Variants in MTMR9 observed in about 807,000 individuals in gnomAD.
MTMR9 encodes myotubularin related protein 9, also known as myotubularin-related protein 9.
MTMR9 carries 39 observed loss-of-function variants against 69.5 expected under a neutral mutation model. The observed-to-expected ratio is 0.56, with a 90% confidence interval of 0.43 to 0.73. MTMR9 has a LOEUF of 0.73. MTMR9 is among the 30% of genes least tolerant of loss of function. MTMR9 has a pLI of 0.00. For synonymous variants in MTMR9, 354 were observed against 240.8 expected (o/e 1.47, Z -4.35); for missense variants, 900 against 671.2 (o/e 1.34, Z -3.77).
intron 6 of MTMR9, among the ~76,000 whole-genome samples, chr8:11,313,485 G>A (rs1404347434): frequency 6.6e-6 from 1 of 152,182 alleles, no homozygotes; most frequent in Non-Finnish European, 1.5e-5. Flanking sequence ...CCAGCTTTTG[G>A]CCTGACTCAG....
At chr8:11,298,712 C>T in intron 2 of MTMR9, 1 of 890,856 alleles carries the variant, frequency 1.1e-6, no homozygotes, top group Non-Finnish European at 1.3e-6. Flanking sequence ...GTATCCTTTC[C>T]CCGCTGCACC....
intron 3 of MTMR9, among the ~76,000 whole-genome samples, chr8:11,303,802 G>C (rs1799836854): frequency 6.6e-6 from 1 of 152,182 alleles, no homozygotes; most frequent in South Asian, 2.1e-4. Context: ...CCAAAGTGCC[G>C]GGATGATAGG....
rs1316539044 is a variant in MTMR9 at position 11,327,896 on chromosome 8, T to A, written c.*5108T>A. The A allele has an allele frequency of 6.6e-6, 1 of 152,546 alleles. No homozygotes were observed. The highest frequency in any genetic ancestry group is 2.4e-5 in the African/African-American group (1 of 41,464). 9.4% of individuals were successfully genotyped at this position (152,546 alleles called of 1,614,324 possible). On this transcript the variant is annotated 3_prime_UTR_variant, in exon 10 of 10. Transcript: ENST00000221086. ...GTCTGTGTAACATTTTAATATTGTT[T>A]GTAATATTCACTAGGTGATAATTTC... is the stretch of plus-strand genomic sequence containing the variant.
the MTMR9 span, among the ~76,000 whole-genome samples, chr8:11,336,903 T>C: frequency 6.6e-6 from 1 of 152,300 alleles, no homozygotes; most frequent in Admixed American, 6.5e-5. Flanking sequence ...TCCAACTGTT[T>C]AGCTTGGAAA....
At chr8:11,321,395 TGTCACATTTAATAACTG>T in intron 9 of MTMR9, 1 of 456,334 alleles carries the variant, frequency 2.2e-6, no homozygotes, top group Non-Finnish European at 4.4e-6. Flanking sequence ...TTAAAGCCAC[TGTCACATTTAATAACTG>T]AAATGAGCGT....
chr8:11,319,921 G>A (rs1478892082), intron 9 of MTMR9, 83 bp downstream of exon 9: 2 of 1,429,686 alleles, frequency 1.4e-6, no homozygotes, highest in Admixed American at 1.9e-5. Context: ...GGTGATGTAT[G>A]AAGATGGTGA....
In MTMR9 at chr8:11,316,841, C is replaced by T. The variant is rs1800439927; in HGVS notation, c.1282C>T (p.His428Tyr). ...NENFLIMLFEHAYASQFGTFL... is the reference protein window; with the variant it reads ...NENFLIMLFEYAYASQFGTFL... ...GAATTTCCTCATCATGCTCTTTGAGCATGCTTATGCCTCACAGTTTGGAAC... is the reference window on the plus strand; with the variant it reads ...GAATTTCCTCATCATGCTCTTTGAGTATGCTTATGCCTCACAGTTTGGAAC... Residue 428 changes from histidine (H) to tyrosine (Y), a missense_variant, in exon 8 of 10, where the codon CAT (histidine) becomes TAT (tyrosine). Physicochemically the swap from His to Tyr is moderately conservative, Grantham distance 83. Transcript: ENST00000221086. 6.2e-7 allele frequency: 1 copy of T among 1,613,108 alleles called. No homozygotes were observed. The highest frequency in any genetic ancestry group is 1.7e-5 in the Admixed American group (1 of 59,934).
the MTMR9 span, among the ~76,000 whole-genome samples, chr8:11,338,092 C>T: frequency 2.0e-5 from 3 of 152,314 alleles, no homozygotes; most frequent in African/African-American, 7.2e-5. Context: ...AAAGGAGGAG[C>T]AATGATTTGG....
At position 11,322,962 on chromosome 8, in the gene MTMR9, A is replaced by C; in HGVS notation, c.*174A>C. On this transcript the variant is annotated 3_prime_UTR_variant, in exon 10 of 10. Transcript: ENST00000221086. ...TATGAATAATGAAACTTACTATCATAAACCATGTTTCATGTGGCCTGTTAG... is the reference window on the plus strand; with the variant it reads ...TATGAATAATGAAACTTACTATCATCAACCATGTTTCATGTGGCCTGTTAG... 2.1e-6 allele frequency: 1 copy of C among 472,846 alleles called. No homozygotes were observed. The highest frequency in any genetic ancestry group is 3.5e-6 in the Non-Finnish European group (1 of 281,880). The allele number at this position is 472,846 out of a possible 1,614,324, so 29.3% of individuals were successfully genotyped here.
chr8:11,289,362 G>C (rs145439766), intron 1 of MTMR9, among the ~76,000 whole-genome samples: 209 of 152,236 alleles, frequency 1.4e-3, no homozygotes, highest in African/African-American at 4.8e-3. Context: ...ACTTAACCTC[G>C]TAGAAACTTA....
chr8:11,303,076 C>A (rs371684123), intron 3 of MTMR9, among the ~76,000 whole-genome samples: 1 of 150,292 alleles, frequency 6.7e-6, no homozygotes, highest in African/African-American at 2.5e-5. Context: ...TAATAAAAAC[C>A]CCAGTTGGTT....
Position 11,296,100 on chromosome 8 carries a change from CAT to C in MTMR9, c.291+808_291+809del, listed in dbSNP as rs35367405. 0.015 allele frequency among the ~76,000 whole-genome samples: 2,344 copies of C among 151,578 alleles called. 92 individuals are homozygous for C. In the East Asian group the frequency reaches 0.16, roughly 10 times the overall value. On this transcript the variant is annotated intron_variant, in intron 2 of 9. Transcript: ENST00000221086. ...AGAATATTATTGTACCATATTATTA[CAT>C]ATATATATACACATTATTACATGTA...
intron 8 of MTMR9, 81 bp downstream of exon 8, chr8:11,316,974 C>A: frequency 1.2e-6 from 1 of 849,636 alleles, no homozygotes; most frequent in Non-Finnish European, 1.8e-6. Context: ...TCCTAGGAGA[C>A]GACGATTTGG....
At chr8:11,328,544 C>G (rs1424682349), downstream of MTMR9, among the ~76,000 whole-genome samples, 2 of 152,200 alleles carry the variant, frequency 1.3e-5, no homozygotes, top group Middle Eastern at 3.4e-3. Context: ...AAGGAAAGCT[C>G]TTTCTTAGAG....
intron 1 of MTMR9, among the ~76,000 whole-genome samples, chr8:11,292,739 G>C (rs961896032): frequency 5.9e-5 from 9 of 152,120 alleles, no homozygotes; most frequent in Non-Finnish European, 1.0e-4. Context: ...TTCATACACA[G>C]TCATGTGATT....
At chr8:11,308,481 G>C (rs1329889556) in intron 5 of MTMR9, among the ~76,000 whole-genome samples, 1 of 152,188 alleles carries the variant, frequency 6.6e-6, no homozygotes, top group African/African-American at 2.4e-5. Flanking sequence ...AGGCCATCAG[G>C]ACCAGGGCTT....
chr8:11,315,004 A>C lies in MTMR9; in HGVS notation c.1053A>C (p.Leu351Phe). The C allele has an allele frequency of 6.2e-7, 1 of 1,614,082 alleles. No homozygotes were observed. Among genetic ancestry groups the C allele is most frequent in the Non-Finnish European group, 8.5e-7 (1 of 1,179,940 alleles). ...LQVTSLAQII[L>F]EPRSRTIRGF... is the part of the protein sequence containing the mutation. ...TGACCTCCTTGGCCCAGATCATCTT[A>C]GAGCCAAGAAGCAGGACCATTCGTG... Residue 351 changes from leucine to phenylalanine, a missense_variant, in exon 7 of 10, where the codon TTA (leucine) becomes TTC (phenylalanine). By Grantham distance (22) the Leu-to-Phe change is conservative. Coordinates refer to ENST00000221086, the MANE Select transcript of MTMR9 (RefSeq NM_015458.4).
rs933509039 is a variant in MTMR9, at chr8:11,327,832, A to G, written c.*5044A>G. 2.0e-5 allele frequency: 3 copies of G among 152,598 alleles called. No homozygotes were observed. Among genetic ancestry groups the G allele is most frequent in the African/African-American group, 7.2e-5 (3 of 41,432 alleles). 9.5% of individuals were successfully genotyped at this position (152,598 alleles called of 1,614,324 possible). Reference sequence around the variant, plus strand: ...CCTGTGTACGCACACACACATATACATACAGTCTTAGGGAAAAAAAAAAGC... The same window carrying G: ...CCTGTGTACGCACACACACATATACGTACAGTCTTAGGGAAAAAAAAAAGC... On this transcript the variant is annotated 3_prime_UTR_variant, in exon 10 of 10. Transcript: ENST00000221086.
At chr8:11,330,956 G>C (rs1801193950), downstream of MTMR9, 8 of 1,328,076 alleles carry the variant, frequency 6.0e-6, no homozygotes, top group South Asian at 1.1e-4. Context: ...AAAAGAAGCA[G>C]AGTTGGACTC....
Sources: allele counts gnomAD v4.1 joint callset (sites outside exome capture counted in the v4.1 genomes callset), GRCh38; gene constraint gnomAD v4.1.1; transcripts MANE v1.5; gene names NCBI Gene and HGNC (gene_info 2026-07-23, HGNC 2026-07-21).